KCNIP4: variants seen among roughly 807,000 people sequenced by gnomAD.
KCNIP4 encodes the protein Kv channel-interacting protein 4.
A neutral mutation model predicts 34.0 loss-of-function variants in KCNIP4; 12 were observed. The ratio of observed to expected loss-of-function variants is 0.35; its 90% CI spans 0.23 to 0.57. The LOEUF is 0.57. Among genes scored for constraint, KCNIP4 ranks in the 20% least tolerant of loss-of-function variants. The pLI is 0.83. For synonymous variants in KCNIP4, 124 were observed against 102.2 expected, an observed-to-expected ratio of 1.21 and a Z score of -1.29; for missense variants, 238 against 311.7, an observed-to-expected ratio of 0.76 and a Z score of 1.78.
intron 1 of KCNIP4, among the ~76,000 whole-genome samples, chr4:21,352,288 T>C (rs11935013): frequency 0.037 from 5,563 of 152,194 alleles, 239 homozygotes; most frequent in East Asian, 0.2. Context: ...ACAGTGGGTG[T>C]AGCCCACGGA....
chr4:21,890,011 G>A (rs1292813128), intron 1 of KCNIP4, among the ~76,000 whole-genome samples: 4 of 152,090 alleles, frequency 2.6e-5, no homozygotes, highest in Admixed American at 6.6e-5. Flanking sequence ...TGGTATTGGC[G>A]ATGGAATTCT....
At chr4:21,358,475 G>C (rs894829056) in intron 1 of KCNIP4, among the ~76,000 whole-genome samples, 2 of 152,056 alleles carry the variant, frequency 1.3e-5, no homozygotes, top group Non-Finnish European at 2.9e-5. Context: ...ACTTGACTCA[G>C]AGAGTTATTA....
At chr4:21,817,765 C>T (rs1353080964) in intron 1 of KCNIP4, among the ~76,000 whole-genome samples, 4 of 152,106 alleles carry the variant, frequency 2.6e-5, no homozygotes, top group African/African-American at 7.2e-5. Flanking sequence ...AAAAACTCTG[C>T]CCTGGTAATT....
intron 1 of KCNIP4, among the ~76,000 whole-genome samples, chr4:20,978,607 C>A (rs910172718): frequency 6.6e-6 from 1 of 152,100 alleles, no homozygotes; most frequent in Non-Finnish European, 1.5e-5. Context: ...GGATAAGCAC[C>A]ATTCTTATAT....
At chr4:21,826,964 C>A (rs1722713478) in intron 1 of KCNIP4, among the ~76,000 whole-genome samples, 1 of 151,974 alleles carries the variant, frequency 6.6e-6, no homozygotes, top group Admixed American at 6.6e-5. Flanking sequence ...TAAAAATACA[C>A]ACAGTTGAAT....
At chr4:21,923,367 AG>A (rs1417816845) in intron 1 of KCNIP4, among the ~76,000 whole-genome samples, 1 of 152,184 alleles carries the variant, frequency 6.6e-6, no homozygotes, top group Non-Finnish European at 1.5e-5. Flanking sequence ...GGATCATCTG[AG>A]GTCAGGAGTT....
intron 1 of KCNIP4, among the ~76,000 whole-genome samples, chr4:21,408,915 G>A (rs572682805): frequency 1.3e-5 from 2 of 152,024 alleles, no homozygotes; most frequent in African/African-American, 4.8e-5. Context: ...TCCCAAATCT[G>A]TTTCTTTCTT....
chr4:21,775,973 C>T (rs1309046146), intron 1 of KCNIP4, among the ~76,000 whole-genome samples: 1 of 152,180 alleles, frequency 6.6e-6, no homozygotes, highest in East Asian at 1.9e-4. Context: ...TGCGGGTCAC[C>T]CCTCACTCCA....
rs575542188 is a variant in KCNIP4 at position 21,059,286 on chromosome 4, C to T, written c.62-176577G>A. Among the ~76,000 whole-genome samples the T allele has an allele frequency of 5.3e-5, 8 of 152,304 alleles. No individual in the cohort carries two copies. In the South Asian group the frequency reaches 8.3e-4, roughly 16 times the overall value. On this transcript the variant is annotated intron_variant, in intron 1 of 8. Coordinates refer to ENST00000382152, the MANE Select transcript of KCNIP4 (RefSeq NM_025221.6). The stretch of plus-strand genomic sequence containing the variant: ...CTGAGCAATTGTACTTCTGTACTCC[C>T]TCTTCCAGTGACGTTAATCTCTAAT...
chr4:20,948,469 T>C lies in KCNIP4; in HGVS notation c.62-65760A>G, dbSNP rs77643627. On this transcript the variant is annotated intron_variant, in intron 1 of 8. Transcript: ENST00000382152. ...CCAGCCAGCTTTGAGGGGGCTCTTA[T>C]CCGGGAGAGGAGAGATATTACCCAC... 1.4e-3 allele frequency among the ~76,000 whole-genome samples: 213 copies of C among 152,328 alleles called. 1 individual carries two copies. The highest frequency in any genetic ancestry group is 4.8e-3 in the African/African-American group (201 of 41,572).
intron 1 of KCNIP4, among the ~76,000 whole-genome samples, chr4:21,806,143 A>G (rs774254137): frequency 6.6e-6 from 1 of 152,110 alleles, no homozygotes; most frequent in Non-Finnish European, 1.5e-5. Flanking sequence ...TATACTCTGG[A>G]CCTCTTCCAA....
At chr4:21,533,831 G>T (rs575131278) in intron 1 of KCNIP4, among the ~76,000 whole-genome samples, 1 of 152,222 alleles carries the variant, frequency 6.6e-6, no homozygotes, top group Admixed American at 6.5e-5. Flanking sequence ...AAAGTAAAAA[G>T]ATTCATAGTC....
intron 1 of KCNIP4, among the ~76,000 whole-genome samples, chr4:21,945,102 A>T (rs1343657300): frequency 6.6e-6 from 1 of 152,228 alleles, no homozygotes; most frequent in African/African-American, 2.4e-5. Flanking sequence ...ATGTTCTGGA[A>T]AAAGTGAGAA....
intron 1 of KCNIP4, among the ~76,000 whole-genome samples, chr4:21,711,288 A>G (rs1713702977): frequency 6.6e-6 from 1 of 152,202 alleles, no homozygotes; most frequent in Admixed American, 6.5e-5. Flanking sequence ...CCTGGCCAAC[A>G]TGGTGAAACT....
chr4:20,850,997 A>G (rs1720962834), intron 2 of KCNIP4, among the ~76,000 whole-genome samples: 1 of 150,582 alleles, frequency 6.6e-6, no homozygotes, highest in African/African-American at 2.4e-5. Flanking sequence ...TTAAGTAGCA[A>G]TATATATTAC....
chr4:20,956,987 G>A (rs1465683844), intron 1 of KCNIP4, among the ~76,000 whole-genome samples: 1 of 151,912 alleles, frequency 6.6e-6, no homozygotes. Context: ...TTGATTAGTA[G>A]TGTTACAATT....
intron 1 of KCNIP4, among the ~76,000 whole-genome samples, chr4:21,096,403 C>G (rs910160148): frequency 7.9e-5 from 12 of 152,150 alleles, no homozygotes; most frequent in Non-Finnish European, 1.6e-4. Context: ...TGTTAATAGT[C>G]AAATTTTATT....
chr4:21,646,039 G>A (rs1746984224), intron 1 of KCNIP4, among the ~76,000 whole-genome samples: 1 of 152,136 alleles, frequency 6.6e-6, no homozygotes, highest in Non-Finnish European at 1.5e-5. Context: ...ATCCTTTTCT[G>A]ATTCCTACAG....
Position 21,793,932 on chromosome 4 carries a change from C to A in KCNIP4, c.61+154639G>T, listed in dbSNP as rs184142049. On this transcript the variant is annotated intron_variant, in intron 1 of 8. Transcript: ENST00000382152. ...GGATTAAGAAAATGTGGCACATATA[C>A]ACCATGGAATACTATGCAGCCATAA... Among the ~76,000 whole-genome samples, 464 of 152,302 alleles carry A rather than the reference C, an allele frequency of 3.0e-3. 7 individuals are homozygous for A. The highest frequency in any genetic ancestry group is 0.011 in the African/African-American group (441 of 41,572).
Sources: gnomAD v4.1 joint callset for allele counts (sites outside exome capture counted in the v4.1 genomes callset) on GRCh38, gnomAD v4.1.1 for gene constraint, MANE v1.5 for transcripts, NCBI Gene and HGNC (gene_info 2026-07-23, HGNC 2026-07-21) for gene names.